The following SH2D4A variants were observed in gnomAD, a reference collection of about 807,000 sequenced individuals.
The protein encoded by SH2D4A is SH2 domain containing 4A.
Under a neutral mutation model 64.7 loss-of-function variants are expected in SH2D4A, and 70 were observed. The observed-to-expected ratio is 1.08, with a 90% CI of 0.89 to 1.32. The LOEUF is 1.32. SH2D4A is among the 40% of genes most tolerant of loss of function. The probability of loss-of-function intolerance (pLI) is 0.00; values close to 1 mark genes in which losing one functional copy is unlikely to be tolerated. For missense variants in SH2D4A, 706 were observed against 540.1 expected (o/e 1.31, Z -3.04); for synonymous variants, 268 against 200.7 (o/e 1.34, Z -2.83).
At chr8:19,379,581 T>C (rs958988478) in intron 8 of SH2D4A, among the ~76,000 whole-genome samples, 1 of 152,218 alleles carries the variant, frequency 6.6e-6, no homozygotes, top group African/African-American at 2.4e-5. Flanking sequence ...TTGAACTTTA[T>C]AGAAACTGGC....
rs755291003 is a variant in SH2D4A at position 19,333,051 on chromosome 8, T to C, written c.278T>C (p.Leu93Pro). ...EHHLDKPYDVLCNEIIAERAR... is the reference protein window; with the variant it reads ...EHHLDKPYDVPCNEIIAERAR... Reference sequence around the variant, plus strand: ...CATCTAGATAAACCCTATGATGTGCTCTGTAATGAAATTATTGCTGAGAGG... The same window carrying C: ...CATCTAGATAAACCCTATGATGTGCCCTGTAATGAAATTATTGCTGAGAGG... The change falls in exon 3 of 10, where the codon CTC (leucine) becomes CCC (proline). Residue 93 changes from leucine to proline, a missense_variant. By Grantham distance (98) the Leu-to-Pro change is moderately conservative. Coordinates refer to ENST00000265807, the MANE Select transcript of SH2D4A (RefSeq NM_022071.4). 2.5e-6 allele frequency: 4 copies of C among 1,614,076 alleles called. No homozygotes were observed. The highest frequency in any genetic ancestry group is 2.5e-6 in the Non-Finnish European group (3 of 1,180,008).
chr8:19,373,325 C>T (rs999291679), intron 7 of SH2D4A, among the ~76,000 whole-genome samples: 1 of 144,854 alleles, frequency 6.9e-6, no homozygotes, highest in Admixed American at 6.8e-5. Flanking sequence ...TCTCTCTCCC[C>T]CCACCCCCAC....
intron 6 of SH2D4A, among the ~76,000 whole-genome samples, chr8:19,362,558 G>A (rs1443083129): frequency 2.0e-5 from 3 of 152,012 alleles, no homozygotes; most frequent in African/African-American, 4.8e-5. Context: ...TGGCCAACAT[G>A]GTGAAACTCC....
rs1563216985 is a variant in SH2D4A at position 19,393,355 on chromosome 8, GAGCAC to G, written c.1089_1093del (p.Ser363ArgfsTer12). On this transcript the variant is annotated frameshift_variant, in exon 9 of 10. Coordinates refer to ENST00000265807, the MANE Select transcript of SH2D4A (RefSeq NM_022071.4). LOFTEE classifies it high-confidence loss of function. Reference sequence around the variant, plus strand: ...TCAAGAAAGCAAATGAACTTCTTCTGAGCACAGGCATGCCCGGCAGTTTTCTCATC... The same window carrying G: ...TCAAGAAAGCAAATGAACTTCTTCTGAGGCATGCCCGGCAGTTTTCTCATC... 6.2e-7 allele frequency: 1 copy of G among 1,614,004 alleles called. No individual in the cohort carries two copies. The highest frequency in any genetic ancestry group is 1.7e-5 in the Admixed American group (1 of 60,018).
chr8:19,373,203 T>G (rs529654448), intron 7 of SH2D4A, among the ~76,000 whole-genome samples: 11 of 152,086 alleles, frequency 7.2e-5, no homozygotes, highest in African/African-American at 2.7e-4. Flanking sequence ...TTCCTTCCTC[T>G]TCTGCCCTTG....
intron 4 of SH2D4A, among the ~76,000 whole-genome samples, chr8:19,352,836 G>A (rs370178984): frequency 6.6e-6 from 1 of 152,118 alleles, no homozygotes; most frequent in East Asian, 1.9e-4. Context: ...GTGAGACCTT[G>A]TCTCTACTAA....
At chr8:19,366,237 G>T (rs1245112127) in intron 7 of SH2D4A, among the ~76,000 whole-genome samples, 1 of 152,002 alleles carries the variant, frequency 6.6e-6, no homozygotes, top group African/African-American at 2.4e-5. Flanking sequence ...TATATATATT[G>T]TGTAGTGATC....
intron 8 of SH2D4A, among the ~76,000 whole-genome samples, chr8:19,380,457 T>C (rs2053274121): frequency 6.6e-6 from 1 of 152,206 alleles, no homozygotes; most frequent in Non-Finnish European, 1.5e-5. Flanking sequence ...AAATCCAATG[T>C]TGTGAAGATT....
intron 8 of SH2D4A, among the ~76,000 whole-genome samples, chr8:19,390,024 G>C (rs1291709266): frequency 2.0e-5 from 3 of 152,202 alleles, no homozygotes; most frequent in Non-Finnish European, 2.9e-5. Flanking sequence ...GAAGACCCCT[G>C]CTTCAGAATT....
At chr8:19,342,836 C>A (rs1431083548) in intron 4 of SH2D4A, among the ~76,000 whole-genome samples, 1 of 152,010 alleles carries the variant, frequency 6.6e-6, no homozygotes, top group Non-Finnish European at 1.5e-5. Context: ...AAAGCTTTTT[C>A]CATAAGAAAA....
intron 4 of SH2D4A, among the ~76,000 whole-genome samples, chr8:19,342,997 G>T (rs4641084): frequency 0.077 from 11,774 of 152,178 alleles, 486 homozygotes; most frequent in Middle Eastern, 0.14. Flanking sequence ...CCGTCTCTGT[G>T]TGCCTTAGAT....
At chr8:19,360,315 CA>C (rs1268766257) in intron 5 of SH2D4A, among the ~76,000 whole-genome samples, 1 of 124,934 alleles carries the variant, frequency 8.0e-6, no homozygotes, top group East Asian at 2.2e-4. Flanking sequence ...TTTTTTGAAA[CA>C]AAAAAATACA....
chr8:19,332,755 A>G lies in SH2D4A; in HGVS notation c.182-200A>G, dbSNP rs115366780. ...TACCCCTAATATTTTTAAAACAAATATTTTCACTGAAGCTGCCTCTCACTG... is the reference window on the plus strand; with the variant it reads ...TACCCCTAATATTTTTAAAACAAATGTTTTCACTGAAGCTGCCTCTCACTG... On this transcript the variant is annotated intron_variant, in intron 2 of 9. Transcript: ENST00000265807. Among the ~76,000 whole-genome samples the G allele has an allele frequency of 5.7e-3, 863 of 151,294 alleles. 6 individuals are homozygous for G. Among genetic ancestry groups the G allele is most frequent in the African/African-American group, 0.02 (810 of 41,208 alleles).
At chr8:19,318,091 G>A (rs1359213314) in intron 1 of SH2D4A, among the ~76,000 whole-genome samples, 1 of 151,890 alleles carries the variant, frequency 6.6e-6, no homozygotes, top group Non-Finnish European at 1.5e-5. Flanking sequence ...TGTTTTTTTA[G>A]TAGAGATGTT....
intron 2 of SH2D4A, among the ~76,000 whole-genome samples, chr8:19,321,145 C>A (rs1202536092): frequency 6.6e-6 from 1 of 152,174 alleles, no homozygotes; most frequent in Non-Finnish European, 1.5e-5. Flanking sequence ...CTTCACAAAA[C>A]TTCTGCAAAG....
At chr8:19,393,875 T>G (rs906489790) in intron 9 of SH2D4A, among the ~76,000 whole-genome samples, 1 of 152,224 alleles carries the variant, frequency 6.6e-6, no homozygotes, top group African/African-American at 2.4e-5. Context: ...TGACAATTTC[T>G]CCATGGACTC....
intron 7 of SH2D4A, among the ~76,000 whole-genome samples, chr8:19,364,908 C>T (rs2052965878): frequency 6.6e-6 from 1 of 152,128 alleles, no homozygotes; most frequent in Admixed American, 6.5e-5. Context: ...ACCATTTGTT[C>T]TGGAAAAACT....
intron 4 of SH2D4A, among the ~76,000 whole-genome samples, chr8:19,351,614 C>CA (rs200932980): frequency 0.011 from 1,637 of 149,092 alleles, 26 homozygotes; most frequent in African/African-American, 0.037. Flanking sequence ...AAAAACAAAA[C>CA]AAAAAAAAAC....
chr8:19,343,557 C>G (rs554040986), intron 4 of SH2D4A, among the ~76,000 whole-genome samples: 58 of 152,170 alleles, frequency 3.8e-4, no homozygotes, highest in Non-Finnish European at 6.5e-4. Context: ...TCTTTGAAAA[C>G]TGGAAATCCC....
Sources: gnomAD v4.1 joint callset for allele counts (sites outside exome capture counted in the v4.1 genomes callset) on GRCh38, gnomAD v4.1.1 for gene constraint, MANE v1.5 for transcripts, NCBI Gene and HGNC (gene_info 2026-07-23, HGNC 2026-07-21) for gene names.